Variants in ADAMTSL1 observed in about 807,000 individuals in gnomAD.
The protein encoded by ADAMTSL1 is ADAMTS like 1, also known as ADAMTS-like protein 1.
ADAMTSL1 carries 126 observed loss-of-function variants against 201.8 expected under a neutral mutation model. The ratio of observed to expected loss-of-function variants is 0.62; its 90% CI spans 0.54 to 0.72. The LOEUF is 0.72. Ranked by LOEUF, ADAMTSL1 falls within the 30% of genes least tolerant of loss-of-function variation. The pLI is 0.00. For synonymous variants in ADAMTSL1, 1,121 were observed against 903.4 expected, an observed-to-expected ratio of 1.24 and a Z score of -4.32; for missense variants, 2,679 against 2,277.8, an observed-to-expected ratio of 1.18 and a Z score of -3.59.
intron 2 of ADAMTSL1, among the ~76,000 whole-genome samples, chr9:18,340,444 A>C (rs1172725304): frequency 6.6e-6 from 1 of 152,164 alleles, no homozygotes. Context: ...CTGCAAACAC[A>C]ATACATCCCA....
At chr9:18,315,567 T>C (rs1834352956) in intron 2 of ADAMTSL1, among the ~76,000 whole-genome samples, 1 of 152,124 alleles carries the variant, frequency 6.6e-6, no homozygotes, top group Non-Finnish European at 1.5e-5. Flanking sequence ...TGGCACACCC[T>C]CCGCAGCTGC....
At chr9:18,844,347 G>T (rs904221394) in intron 23 of ADAMTSL1, among the ~76,000 whole-genome samples, 1 of 152,308 alleles carries the variant, frequency 6.6e-6, no homozygotes, top group Admixed American at 6.5e-5. Flanking sequence ...CTGCAGAACA[G>T]TGGATTTTCA....
At chr9:18,095,200 C>T (rs1824192680) in intron 1 of ADAMTSL1, among the ~76,000 whole-genome samples, 1 of 152,128 alleles carries the variant, frequency 6.6e-6, no homozygotes, top group Admixed American at 6.5e-5. Context: ...ATCTTACACA[C>T]ATGCTCTGAT....
chr9:18,349,760 G>A (rs1835882920), intron 2 of ADAMTSL1, among the ~76,000 whole-genome samples: 1 of 152,056 alleles, frequency 6.6e-6, no homozygotes, highest in South Asian at 2.1e-4. Flanking sequence ...TGAGGCACAA[G>A]CCCTAAACAC....
intron 16 of ADAMTSL1, among the ~76,000 whole-genome samples, chr9:18,769,152 A>C (rs1396491740): frequency 1.3e-5 from 2 of 152,178 alleles, no homozygotes; most frequent in Non-Finnish European, 2.9e-5. Flanking sequence ...TTCTGACTGT[A>C]CCCAAGGACA....
chr9:18,792,068 G>A lies in ADAMTSL1; in HGVS notation c.3678-3329G>A, dbSNP rs950319652. On this transcript the variant is annotated intron_variant, in intron 19 of 28. Transcript: ENST00000380548. Reference sequence around the variant, plus strand: ...TGCCTGAAATCAGACAGGTGCAGTAGTTGTATGCAAAAAAAAAATGATTCT... The same window carrying A: ...TGCCTGAAATCAGACAGGTGCAGTAATTGTATGCAAAAAAAAAATGATTCT... Among the ~76,000 whole-genome samples the A allele has an allele frequency of 6.6e-5, 10 of 151,278 alleles. No homozygotes were observed. In the East Asian group the frequency reaches 1.9e-3, roughly 29 times the overall value.
intron 1 of ADAMTSL1, among the ~76,000 whole-genome samples, chr9:18,012,010 C>T (rs925826476): frequency 3.9e-5 from 6 of 152,004 alleles, no homozygotes; most frequent in Admixed American, 2.0e-4. Context: ...CTAAAATGCT[C>T]ATGGGGATAT....
intron 1 of ADAMTSL1, among the ~76,000 whole-genome samples, chr9:17,985,018 AG>A: frequency 6.6e-6 from 1 of 152,280 alleles, no homozygotes; most frequent in East Asian, 1.9e-4. Flanking sequence ...CCTAACATGT[AG>A]GAAGACCTCT....
At chr9:18,152,731 T>C (rs1168969650) in intron 1 of ADAMTSL1, among the ~76,000 whole-genome samples, 4 of 150,572 alleles carry the variant, frequency 2.7e-5, no homozygotes, top group African/African-American at 7.3e-5. Flanking sequence ...TTGGAGAGAG[T>C]GGAGTAGTGA....
intron 2 of ADAMTSL1, among the ~76,000 whole-genome samples, chr9:18,312,244 G>A (rs1485066413): frequency 6.6e-6 from 1 of 152,090 alleles, no homozygotes; most frequent in Non-Finnish European, 1.5e-5. Flanking sequence ...TCATCTAGAG[G>A]GCAAGATTGG....
intron 7 of ADAMTSL1, among the ~76,000 whole-genome samples, chr9:18,645,143 G>A (rs1015638294): frequency 1.3e-5 from 2 of 152,180 alleles, no homozygotes; most frequent in African/African-American, 4.8e-5. Flanking sequence ...GGCCAGTGAT[G>A]ATGAGCATTT....
intron 2 of ADAMTSL1, among the ~76,000 whole-genome samples, chr9:18,373,764 A>G (rs574859012): frequency 4.6e-5 from 7 of 152,302 alleles, no homozygotes; most frequent in Admixed American, 4.6e-4. Context: ...GCCAAGTTAC[A>G]AACAGGGCAA....
intron 1 of ADAMTSL1, among the ~76,000 whole-genome samples, chr9:18,056,349 G>A (rs1460306831): frequency 6.6e-6 from 1 of 152,156 alleles, no homozygotes; most frequent in African/African-American, 2.4e-5. Context: ...GATTCATTTA[G>A]TATGTAATGG....
chr9:18,431,046 C>T (rs934597368), intron 2 of ADAMTSL1, among the ~76,000 whole-genome samples: 4 of 152,154 alleles, frequency 2.6e-5, no homozygotes, highest in African/African-American at 4.8e-5. Context: ...AGAGAGACTA[C>T]GTGGGCCAGA....
intron 1 of ADAMTSL1, among the ~76,000 whole-genome samples, chr9:18,059,366 A>G (rs577743533): frequency 2.0e-5 from 3 of 152,068 alleles, no homozygotes; most frequent in Non-Finnish European, 4.4e-5. Context: ...TGGTTGAGTC[A>G]TTTTTGATAA....
chr9:18,437,652 G>T (rs1450474903), intron 2 of ADAMTSL1, among the ~76,000 whole-genome samples: 1 of 152,022 alleles, frequency 6.6e-6, no homozygotes, highest in Non-Finnish European at 1.5e-5. Context: ...GAGAGTTAAA[G>T]AAAGCTACCC....
At chr9:18,508,329 C>T (rs1002741983) in intron 2 of ADAMTSL1, among the ~76,000 whole-genome samples, 3 of 152,066 alleles carry the variant, frequency 2.0e-5, no homozygotes, top group African/African-American at 7.2e-5. Flanking sequence ...ATGATTTTAG[C>T]CCTGTATTTT....
chr9:18,650,051 G>A (rs1474530335), intron 7 of ADAMTSL1, among the ~76,000 whole-genome samples: 1 of 152,216 alleles, frequency 6.6e-6, no homozygotes, highest in Admixed American at 6.5e-5. Context: ...CACCCAGTTC[G>A]AGCTTCCAGG....
intron 19 of ADAMTSL1, among the ~76,000 whole-genome samples, chr9:18,787,022 T>A (rs1384625010): frequency 6.6e-6 from 1 of 152,142 alleles, no homozygotes. Flanking sequence ...TCCTCCAGGG[T>A]CAATTTCAGA....
Sources: allele counts gnomAD v4.1 joint callset (sites outside exome capture counted in the v4.1 genomes callset), GRCh38; gene constraint gnomAD v4.1.1; transcripts MANE v1.5; gene names NCBI Gene and HGNC (gene_info 2026-07-23, HGNC 2026-07-21).